Variants in BARHL2 observed in about 807,000 individuals in gnomAD.
BARHL2 encodes the protein BarH like homeobox 2.
BARHL2 carries 10 observed loss-of-function variants against 27.1 expected under a neutral mutation model. The observed-to-expected ratio is 0.37, with a 90% CI of 0.23 to 0.63. The LOEUF is 0.63. Ranked by LOEUF, BARHL2 falls within the 20% of genes least tolerant of loss-of-function variation. BARHL2 has a pLI of 0.65. For synonymous variants in BARHL2, 248 were observed against 224.7 expected (o/e 1.10, Z -0.93); for missense variants, 483 against 533.5 (o/e 0.91, Z 0.93).
In BARHL2 at chr1:90,717,124, G is replaced by A. The variant is rs766296936; in HGVS notation, c.72C>T (p.Ser24=). The A allele has an allele frequency of 1.2e-6, 2 of 1,613,850 alleles. No homozygotes were observed. Among genetic ancestry groups the A allele is most frequent in the East Asian group, 2.2e-5 (1 of 44,828 alleles). ...DTILSSASSG[S]PGMMNGDFRP... ...GGAAATCTCCATTCATCATGCCTGG[G>A]CTGCCTGAACTGGCACTGGACAAAA... is the stretch of plus-strand genomic sequence containing the variant. Residue 24 remains serine, a synonymous_variant, in exon 1 of 3, where the codon AGC becomes AGT. Coordinates refer to ENST00000370445, the MANE Select transcript of BARHL2 (RefSeq NM_020063.2).
chr1:90,715,958 T>C (rs1198719244), intron 1 of BARHL2, among the ~76,000 whole-genome samples: 1 of 152,200 alleles, frequency 6.6e-6, no homozygotes, highest in East Asian at 1.9e-4. Context: ...GATACTCAGT[T>C]GAGGCCATAG....
chr1:90,712,122 G>A lies in BARHL2; in HGVS notation c.*190C>T. ...GCCCTGTTTCTAGGGGTGGGGAGATGGAGAGCAGAGGGCTGGCTCCTCTTT... is the reference window on the plus strand; with the variant it reads ...GCCCTGTTTCTAGGGGTGGGGAGATAGAGAGCAGAGGGCTGGCTCCTCTTT... On this transcript the variant is annotated 3_prime_UTR_variant, in exon 3 of 3. Transcript: ENST00000370445. 2.0e-6 allele frequency: 1 copy of A among 503,838 alleles called. No individual in the cohort carries two copies. The highest frequency in any genetic ancestry group is 5.2e-4 in the Middle Eastern group (1 of 1,912). The allele number at this position is 503,838 out of a possible 1,614,324, so 31.2% of individuals were successfully genotyped here. A position where few individuals can be genotyped will look rare whatever the true frequency, so the allele number is the denominator to read the frequency against.
chr1:90,714,153 G>A (rs1658097196), intron 2 of BARHL2, among the ~76,000 whole-genome samples: 1 of 152,204 alleles, frequency 6.6e-6, no homozygotes, highest in Non-Finnish European at 1.5e-5. Flanking sequence ...GAACCAGCCT[G>A]GGGTGGGCCC....
chr1:90,712,426 G>C lies in BARHL2; in HGVS notation c.1050C>G (p.Pro350=). The change falls in exon 3 of 3, where the codon CCC becomes CCG. Residue 350 remains proline (P), a synonymous_variant. Transcript: ENST00000370445. The part of the protein sequence containing the change: ...SMYRTPPAPH[P]QLQRPLVPRV... The stretch of plus-strand genomic sequence containing the variant: ...GGGGCACCAGGGGCCGCTGCAGCTG[G>C]GGATGGGGTGCTGGAGGAGTCCGGT... 1 of 1,610,268 alleles carries C rather than the reference G, an allele frequency of 6.2e-7. No homozygotes were observed. The highest frequency in any genetic ancestry group is 8.5e-7 in the Non-Finnish European group (1 of 1,178,070).
chr1:90,715,351 G>A (rs933948143), intron 1 of BARHL2, among the ~76,000 whole-genome samples: 5 of 152,270 alleles, frequency 3.3e-5, no homozygotes, highest in Admixed American at 2.6e-4. Context: ...ATGTCACCCA[G>A]ACACCGAGTT....
In BARHL2 at chr1:90,712,428, G is replaced by C; in HGVS notation, c.1048C>G (p.Pro350Ala). The C allele has an allele frequency of 6.2e-7, 1 of 1,610,652 alleles. No individual in the cohort carries two copies. The highest frequency in any genetic ancestry group is 8.5e-7 in the Non-Finnish European group (1 of 1,178,298). ...GGCACCAGGGGCCGCTGCAGCTGGG[G>C]ATGGGGTGCTGGAGGAGTCCGGTAC... ...SMYRTPPAPH[P>A]QLQRPLVPRV... Residue 350 changes from proline to alanine, a missense_variant, in exon 3 of 3, where the codon CCC becomes GCC. By Grantham distance (27) the Pro-to-Ala change is conservative. Transcript: ENST00000370445.
rs765059217 is a variant in BARHL2 at position 90,714,646 on chromosome 1, G to T, written c.736C>A (p.Gln246Lys). Residue 246 changes from glutamine (Q) to lysine (K), a missense_variant, in exon 2 of 3, where the codon CAA (glutamine) becomes AAA (lysine). Gln to Lys is a moderately conservative substitution (Grantham distance 53, BLOSUM62 1). Around this residue, in one of 3 missense-constraint regions of BARHL2, gnomAD observed 49 missense variants for 110.6 expected, o/e 0.44. Transcript: ENST00000370445. ...TGCCGCTCAAAGCTACGCTCCAGTT[G>T]ATTGAGCTGGTGGTCGGAAAAAGCT... ...RTAFSDHQLN[Q>K]LERSFERQKY... 6.2e-7 allele frequency: 1 copy of T among 1,614,108 alleles called. No individual in the cohort carries two copies. Among genetic ancestry groups the T allele is most frequent in the African/African-American group, 1.3e-5 (1 of 74,924 alleles).
At chr1:90,714,175 C>T (rs948346194) in intron 2 of BARHL2, among the ~76,000 whole-genome samples, 4 of 152,214 alleles carry the variant, frequency 2.6e-5, no homozygotes, top group African/African-American at 9.6e-5. Context: ...AGGGGTGCAC[C>T]GCGCAGGCTC....
chr1:90,712,718 CT>C, intron 2 of BARHL2, 94 bp from the exon 3 acceptor site: 1 of 1,258,516 alleles, frequency 7.9e-7, no homozygotes, highest in Non-Finnish European at 1.1e-6. Context: ...CTGCCTCCTC[CT>C]TCATTCTCCC....
intron 1 of BARHL2, among the ~76,000 whole-genome samples, chr1:90,716,068 T>C (rs1329376259): frequency 7.1e-6 from 1 of 140,132 alleles, no homozygotes; most frequent in African/African-American, 2.6e-5. Context: ...CAGAAATTTT[T>C]CCTCCATTAA....
rs1253262562 is a variant in BARHL2 at position 90,714,671 on chromosome 1, T to C, written c.711A>G (p.Thr237=). The C allele has an allele frequency of 4.3e-6, 7 of 1,614,098 alleles. No individual in the cohort carries two copies. In the African/African-American group the frequency reaches 5.3e-5, roughly 12 times the overall value. ...GATTGAGCTGGTGGTCGGAAAAAGC[T>C]GTCCTTGCTTTTCGAGGCTTCTTGG... ...VRAKKPRKAR[T]AFSDHQLNQL... Residue 237 remains threonine (T), a synonymous_variant, in exon 2 of 3, where the codon ACA becomes ACG. Coordinates refer to ENST00000370445, the MANE Select transcript of BARHL2 (RefSeq NM_020063.2).
In BARHL2 at chr1:90,712,316, C is replaced by G. The variant is rs758035699; in HGVS notation, c.1160G>C (p.Arg387Pro). 5 of 1,458,600 alleles carry G rather than the reference C, an allele frequency of 3.4e-6. No homozygotes were observed. The East Asian group carries it at 1.2e-4, about 36-fold the overall frequency. 90.4% of individuals were successfully genotyped at this position (1,458,600 alleles called of 1,614,324 possible). The change falls in exon 3 of 3, where the codon CGG (arginine) becomes CCG (proline). Residue 387 changes from arginine (R) to proline (P), a missense_variant. Transcript: ENST00000370445. ...AGTGCCTTCGCTGCAATGTTTTCAC[C>G]GGGGGTGTGGGGTGCCTGGGATGGG... ...SSPIPGTPHP[R>P] is the part of the protein sequence containing the mutation.
rs151239451 is a variant in BARHL2 at position 90,716,690 on chromosome 1, T to C, written c.506A>G (p.His169Arg). ...TGCGTTGCTCTCCTGCTTCGGGGTG[T>C]GGTGGGGAGAGGATACGCTGGTGCT... ...PYSTSVSSPHHTPKQESNAVH... is the reference protein window; with the variant it reads ...PYSTSVSSPHRTPKQESNAVH... Residue 169 changes from histidine (H) to arginine (R), a missense_variant, in exon 1 of 3, where the codon CAC (histidine) becomes CGC (arginine). Transcript: ENST00000370445. The C allele has an allele frequency of 1.2e-5, 19 of 1,612,722 alleles. No individual in the cohort carries two copies. The African/African-American group carries it at 1.7e-4, about 15-fold the overall frequency.
rs1047412884 is a variant in BARHL2, at chr1:90,712,466, A to C, written c.1010T>G (p.Met337Arg). 6.2e-7 allele frequency: 1 copy of C among 1,612,878 alleles called. No homozygotes were observed. Among genetic ancestry groups the C allele is most frequent in the Non-Finnish European group, 8.5e-7 (1 of 1,179,686 alleles). Reference sequence around the variant, plus strand: ...AGGAGTCCGGTACATGCTGCTGTACATGGCAGCGGCAGCCGCCGCCGCCGT... The same window carrying C: ...AGGAGTCCGGTACATGCTGCTGTACCTGGCAGCGGCAGCCGCCGCCGCCGT... The part of the protein sequence containing the change: ...STTAAAAAAA[M>R]YSSMYRTPPA... Residue 337 changes from methionine (M) to arginine (R), a missense_variant, in exon 3 of 3, where the codon ATG becomes AGG. Met to Arg is a moderately conservative substitution (Grantham distance 91, BLOSUM62 -1). Around this residue, in one of 3 missense-constraint regions of BARHL2, gnomAD observed 130 missense variants for 138.0 expected, o/e 0.94. Transcript: ENST00000370445.
chr1:90,713,866 A>C (rs1658088330), intron 2 of BARHL2, among the ~76,000 whole-genome samples: 1 of 152,220 alleles, frequency 6.6e-6, no homozygotes, highest in Non-Finnish European at 1.5e-5. Flanking sequence ...ATGTTGAGAC[A>C]GCAGAGGCAG....
In BARHL2 at chr1:90,717,150, T is replaced by C. The variant is rs1245011743; in HGVS notation, c.46A>G (p.Ile16Val). The change falls in exon 1 of 3, where the codon ATT (isoleucine) becomes GTT (valine). Residue 16 changes from isoleucine (I) to valine (V), a missense_variant. Ile to Val is a conservative substitution (Grantham distance 29, BLOSUM62 3). This residue lies in a region of BARHL2 where 304 missense variants were observed against 284.9 expected (regional missense o/e 1.07). Coordinates refer to ENST00000370445, the MANE Select transcript of BARHL2 (RefSeq NM_020063.2). The part of the protein sequence containing the change: ...ASGSSFGIDT[I>V]LSSASSGSPG... ...CTGCCTGAACTGGCACTGGACAAAATCGTGTCTATTCCAAAACTCGACCCG... is the reference window on the plus strand; with the variant it reads ...CTGCCTGAACTGGCACTGGACAAAACCGTGTCTATTCCAAAACTCGACCCG... 3 of 1,613,502 alleles carry C rather than the reference T, an allele frequency of 1.9e-6. No homozygotes were observed. In the South Asian group the frequency reaches 3.3e-5, roughly 18 times the overall value.
Position 90,712,599 on chromosome 1 carries a change from C to A in BARHL2, c.877G>T (p.Val293Leu). ...GCCTCGGCCAGCAACTCCAGGCCCA[C>A]CGCTGTCTGCCGCTTCCACTTGGTC... The part of the protein sequence containing the change: ...RRTKWKRQTA[V>L]GLELLAEAGN... Residue 293 changes from valine to leucine, a missense_variant, in exon 3 of 3, where the codon GTG (valine) becomes TTG (leucine). Coordinates refer to ENST00000370445, the MANE Select transcript of BARHL2 (RefSeq NM_020063.2). 6.2e-7 allele frequency: 1 copy of A among 1,608,306 alleles called. No homozygotes were observed. Among genetic ancestry groups the A allele is most frequent in the Non-Finnish European group, 8.5e-7 (1 of 1,176,014 alleles).
rs201827905 is a variant in BARHL2, at chr1:90,716,631, C to T, written c.565G>A (p.Glu189Lys). Reference sequence around the variant, plus strand: ...TTGTCGAGTTTGGTCTTGCTGTCCTCCTGCTCGAGCTTTGGCCTGAAGCTC... The same window carrying T: ...TTGTCGAGTTTGGTCTTGCTGTCCTTCTGCTCGAGCTTTGGCCTGAAGCTC... ...HESFRPKLEQ[E>K]DSKTKLDKRE... The change falls in exon 1 of 3, where the codon GAG (glutamate) becomes AAG (lysine). Residue 189 changes from glutamate to lysine, a missense_variant. Physicochemically the swap from Glu to Lys is moderately conservative, Grantham distance 56. Around this residue, in one of 3 missense-constraint regions of BARHL2, gnomAD observed 304 missense variants for 284.9 expected, o/e 1.07. Transcript: ENST00000370445. 85 of 1,614,046 alleles carry T rather than the reference C, an allele frequency of 5.3e-5. No individual in the cohort carries two copies. In the Admixed American group the frequency reaches 1.0e-3, roughly 19 times the overall value.
chr1:90,714,458 G>A, intron 2 of BARHL2, 73 bp downstream of exon 2: 4 of 1,420,550 alleles, frequency 2.8e-6, no homozygotes, highest in East Asian at 4.6e-5. Context: ...GAGGCCAGGA[G>A]GGAAGAAGAT....
Sources: allele counts gnomAD v4.1 joint callset (sites outside exome capture counted in the v4.1 genomes callset), GRCh38; gene constraint gnomAD v4.1.1; regional missense constraint gnomAD v4.1.1; transcripts MANE v1.5; gene names NCBI Gene and HGNC (gene_info 2026-07-23, HGNC 2026-07-21).